NRCAM: variants seen among roughly 807,000 people sequenced by gnomAD.
NRCAM encodes neuronal cell adhesion molecule, also known as NgCAM-related cell adhesion molecule.
Under a neutral mutation model 156.5 loss-of-function variants are expected in NRCAM, and 83 were observed. That is an observed-to-expected ratio of 0.53 (90% CI 0.44 to 0.64). The LOEUF is 0.64. Ranked by LOEUF, NRCAM falls within the 30% of genes least tolerant of loss-of-function variation. The probability of loss-of-function intolerance (pLI) is 0.00; values close to 1 mark genes in which losing one functional copy is unlikely to be tolerated. For missense variants in NRCAM, 1,417 were observed against 1,597.3 expected, an observed-to-expected ratio of 0.89 and a Z score of 1.92; for synonymous variants, 538 against 563.9, an observed-to-expected ratio of 0.95 and a Z score of 0.65.
chr7:108,387,675 A>G (rs1367488294), intron 2 of NRCAM, among the ~76,000 whole-genome samples: 1 of 151,676 alleles, frequency 6.6e-6, no homozygotes, highest in Non-Finnish European at 1.5e-5. Context: ...TTAACTCGTC[A>G]TTTACATTAG....
intron 2 of NRCAM, among the ~76,000 whole-genome samples, chr7:108,357,409 C>G (rs1252985643): frequency 6.6e-6 from 1 of 151,344 alleles, no homozygotes; most frequent in Non-Finnish European, 1.5e-5. Flanking sequence ...TCTCATCTCA[C>G]TGGAACCTCC....
chr7:108,294,790 C>T (rs986513233), intron 3 of NRCAM, among the ~76,000 whole-genome samples: 9 of 152,156 alleles, frequency 5.9e-5, no homozygotes, highest in Non-Finnish European at 1.0e-4. Flanking sequence ...CTCACCCTTA[C>T]GGTCTTCCGA....
At chr7:108,440,087 A>G (rs2154480109) in intron 1 of NRCAM, among the ~76,000 whole-genome samples, 1 of 152,280 alleles carries the variant, frequency 6.6e-6, no homozygotes, top group South Asian at 2.1e-4. Context: ...AACATTATTA[A>G]TAATAGTCTC....
intron 2 of NRCAM, among the ~76,000 whole-genome samples, chr7:108,342,001 T>A (rs1472258442): frequency 6.6e-6 from 1 of 152,154 alleles, no homozygotes. Context: ...TCCCTGTACA[T>A]CCTGACTCTC....
intron 28 of NRCAM, among the ~76,000 whole-genome samples, chr7:108,169,705 G>A (rs937176366): frequency 2.6e-5 from 4 of 152,048 alleles, no homozygotes; most frequent in Admixed American, 2.6e-4. Context: ...TTAGTTTTCC[G>A]AGATTTTCTT....
At chr7:108,234,557 T>C in intron 6 of NRCAM, 26 bp downstream of exon 6, 1 of 1,311,756 alleles carries the variant, frequency 7.6e-7, no homozygotes, top group Non-Finnish European at 1.1e-6. Flanking sequence ...TTCTCAGTAC[T>C]ATAACAAAGC....
intron 2 of NRCAM, among the ~76,000 whole-genome samples, chr7:108,331,083 T>A (rs1447989294): frequency 1.3e-5 from 2 of 152,176 alleles, no homozygotes; most frequent in African/African-American, 4.8e-5. Context: ...AACCTAAAAA[T>A]ATATATATCA....
At chr7:108,392,588 C>T (rs1025551089) in intron 2 of NRCAM, among the ~76,000 whole-genome samples, 5 of 152,326 alleles carry the variant, frequency 3.3e-5, no homozygotes, top group South Asian at 2.1e-4. Context: ...AGTCATTCTC[C>T]GTCCAGCTTT....
intron 3 of NRCAM, among the ~76,000 whole-genome samples, chr7:108,249,973 G>A (rs551803094): frequency 2.1e-4 from 32 of 152,236 alleles, no homozygotes; most frequent in Admixed American, 1.4e-3. Context: ...CAAAAGAAGG[G>A]AAATCAGTGT....
intron 3 of NRCAM, among the ~76,000 whole-genome samples, chr7:108,256,707 T>C (rs1466223932): frequency 2.0e-5 from 3 of 152,166 alleles, no homozygotes; most frequent in African/African-American, 4.8e-5. Flanking sequence ...ATTCTACTTA[T>C]ATGAAATCTT....
intron 3 of NRCAM, among the ~76,000 whole-genome samples, chr7:108,245,641 T>C (rs2095856235): frequency 6.6e-6 from 1 of 152,254 alleles, no homozygotes; most frequent in African/African-American, 2.4e-5. Context: ...AAGCAGTCAT[T>C]ATTACCAAGT....
chr7:108,235,741 GGT>G (rs2094903390), intron 5 of NRCAM, among the ~76,000 whole-genome samples: 1 of 152,056 alleles, frequency 6.6e-6, no homozygotes, highest in Admixed American at 6.6e-5. Context: ...TAGTGATAGT[GGT>G]ATCTCGTAGA....
chr7:108,438,780 A>G (rs1168883063), intron 1 of NRCAM, among the ~76,000 whole-genome samples: 1 of 152,156 alleles, frequency 6.6e-6, no homozygotes, highest in Non-Finnish European at 1.5e-5. Flanking sequence ...GAATTAATAA[A>G]CAAGTTTAGC....
At chr7:108,453,045 G>A (rs529202702) in intron 1 of NRCAM, among the ~76,000 whole-genome samples, 17 of 152,326 alleles carry the variant, frequency 1.1e-4, no homozygotes, top group African/African-American at 3.6e-4. Flanking sequence ...TCTGTGTGAT[G>A]AAGTATGTAG....
intron 2 of NRCAM, among the ~76,000 whole-genome samples, chr7:108,353,491 A>T (rs10272267): frequency 1.4e-5 from 2 of 139,534 alleles, no homozygotes; most frequent in African/African-American, 5.3e-5. Context: ...AGATAATTTT[A>T]AATTTTTTTT....
intron 2 of NRCAM, among the ~76,000 whole-genome samples, chr7:108,329,731 T>C (rs575349125): frequency 3.3e-5 from 5 of 152,282 alleles, no homozygotes; most frequent in South Asian, 2.1e-4. Context: ...TCAAAGCGTA[T>C]TGTCAGAGAG....
At chr7:108,201,747 G>C (rs2078264783) in intron 13 of NRCAM, among the ~76,000 whole-genome samples, 1 of 152,082 alleles carries the variant, frequency 6.6e-6, no homozygotes, top group Non-Finnish European at 1.5e-5. Flanking sequence ...AACTCTTTGG[G>C]AAGGTATTTT....
At chr7:108,209,233 G>A (rs1028401162) in intron 12 of NRCAM, among the ~76,000 whole-genome samples, 188 bp downstream of exon 12, 1 of 152,122 alleles carries the variant, frequency 6.6e-6, no homozygotes. Context: ...TTGTGAGGAA[G>A]ATTTGAACAA....
chr7:108,392,758 C>A (rs145288536), intron 2 of NRCAM, among the ~76,000 whole-genome samples: 1 of 152,104 alleles, frequency 6.6e-6, no homozygotes, highest in Non-Finnish European at 1.5e-5. Flanking sequence ...GTGTGGATGT[C>A]GTTTCTGTTT....
Sources: allele counts gnomAD v4.1 joint callset (sites outside exome capture counted in the v4.1 genomes callset), GRCh38; gene constraint gnomAD v4.1.1; transcripts MANE v1.5; gene names NCBI Gene and HGNC (gene_info 2026-07-23, HGNC 2026-07-21).